The following ESR1 variants were observed in gnomAD, a reference collection of about 807,000 sequenced individuals.
ESR1 encodes estrogen receptor 1, also known as estrogen receptor.
In ESR1, 12 loss-of-function variants were observed where a neutral mutation model predicts 52.7. The observed-to-expected ratio is 0.23, with a 90% CI of 0.15 to 0.37. ESR1 has a LOEUF of 0.37. ESR1 is among the 10% of genes least tolerant of loss of function. The pLI, the probability that ESR1 is intolerant of heterozygous loss-of-function variation, is 1.00. For missense variants in ESR1, 584 were observed against 779.7 expected (o/e 0.75, Z 2.99); for synonymous variants, 305 against 316.8 (o/e 0.96, Z 0.39).
intron 1 of ESR1, among the ~76,000 whole-genome samples, chr6:151,691,351 T>G (rs1469420454): frequency 1.3e-5 from 2 of 152,302 alleles, no homozygotes; most frequent in African/African-American, 4.8e-5. Context: ...GGTAATGATG[T>G]GGCAGTCACA....
chr6:151,955,523 C>T (rs566257894), intron 4 of ESR1, among the ~76,000 whole-genome samples: 2 of 152,104 alleles, frequency 1.3e-5, no homozygotes, highest in South Asian at 4.2e-4. Context: ...TTATCTAAAA[C>T]TTTAGATTTG....
chr6:152,001,501 T>C (rs541107124), intron 4 of ESR1, among the ~76,000 whole-genome samples: 1 of 152,154 alleles, frequency 6.6e-6, no homozygotes, highest in South Asian at 2.1e-4. Flanking sequence ...CACTGCTACA[T>C]TGTAACAGGC....
At chr6:151,894,959 T>C (rs1795253438) in intron 3 of ESR1, among the ~76,000 whole-genome samples, 2 of 152,082 alleles carry the variant, frequency 1.3e-5, no homozygotes, top group African/African-American at 2.4e-5. Context: ...TGCATTGAAG[T>C]TGTAGATTGC....
At chr6:151,915,718 G>T (rs2029926199) in intron 3 of ESR1, among the ~76,000 whole-genome samples, 1 of 152,162 alleles carries the variant, frequency 6.6e-6, no homozygotes, top group South Asian at 2.1e-4. Context: ...TAGATTTAAA[G>T]AAAATATTAT....
intron 5 of ESR1, among the ~76,000 whole-genome samples, chr6:152,054,498 G>GTC (rs1010442989): frequency 6.6e-6 from 1 of 150,672 alleles, no homozygotes; most frequent in Non-Finnish European, 1.5e-5. Flanking sequence ...TTCCAGACTC[G>GTC]TCTCTCTCCC....
chr6:151,914,856 G>A (rs1207446034), intron 3 of ESR1, among the ~76,000 whole-genome samples: 6 of 152,138 alleles, frequency 3.9e-5, no homozygotes, highest in Non-Finnish European at 8.8e-5. Flanking sequence ...TTCAGGACAC[G>A]TACACTGTAA....
At chr6:152,090,065 G>A (rs903830912) in intron 6 of ESR1, among the ~76,000 whole-genome samples, 2 of 152,130 alleles carry the variant, frequency 1.3e-5, no homozygotes, top group African/African-American at 2.4e-5. Context: ...TGCCACTCCC[G>A]GAACCACAGA....
chr6:151,744,729 T>G (rs1390055107), intron 2 of ESR1, among the ~76,000 whole-genome samples: 1 of 152,242 alleles, frequency 6.6e-6, no homozygotes, highest in Non-Finnish European at 1.5e-5. Flanking sequence ...AAAAACAGTT[T>G]GTATATCTTT....
chr6:151,814,393 C>T (rs1345378370), intron 1 of ESR1, among the ~76,000 whole-genome samples: 3 of 151,984 alleles, frequency 2.0e-5, no homozygotes, highest in Non-Finnish European at 4.4e-5. Flanking sequence ...AGTTTTTGGC[C>T]TCTTTTACCC....
At chr6:151,833,563 C>G (rs1273977972) in intron 1 of ESR1, among the ~76,000 whole-genome samples, 1 of 151,972 alleles carries the variant, frequency 6.6e-6, no homozygotes, top group Non-Finnish European at 1.5e-5. Flanking sequence ...AGAGGACTCA[C>G]CATGTCCATA....
intron 4 of ESR1, among the ~76,000 whole-genome samples, chr6:151,989,557 A>G (rs1437084906): frequency 6.6e-6 from 1 of 152,118 alleles, no homozygotes; most frequent in Non-Finnish European, 1.5e-5. Context: ...AGTAATAAAC[A>G]CAGAATCAGA....
chr6:151,743,738 T>C (rs1371732502), intron 2 of ESR1, among the ~76,000 whole-genome samples: 1 of 152,206 alleles, frequency 6.6e-6, no homozygotes, highest in Non-Finnish European at 1.5e-5. Context: ...CAATGTGTCA[T>C]TTATTAAAAC....
At chr6:152,120,824 A>G (rs1220183726) in intron 6 of ESR1, among the ~76,000 whole-genome samples, 1 of 152,218 alleles carries the variant, frequency 6.6e-6, no homozygotes, top group Non-Finnish European at 1.5e-5. Flanking sequence ...TACCTGCATT[A>G]TGGAAAGCAC....
chr6:152,074,826 T>C (rs747228334), intron 6 of ESR1, among the ~76,000 whole-genome samples: 1 of 152,184 alleles, frequency 6.6e-6, no homozygotes, highest in Non-Finnish European at 1.5e-5. Flanking sequence ...TAATTCGCAT[T>C]TTTTGGATAA....
rs927168592 is a variant in ESR1, at chr6:152,122,068, A to G, written c.851-3198A>G. On this transcript the variant is annotated intron_variant, in intron 6 of 6. Transcript: ENST00000427531. ...GGAGGGTCATTTATCTGATGGTTGGAGCAGCACCATGGGAAAGCTGCCCAG... is the reference window on the plus strand; with the variant it reads ...GGAGGGTCATTTATCTGATGGTTGGGGCAGCACCATGGGAAAGCTGCCCAG... 4 of 345,212 alleles carry G rather than the reference A, an allele frequency of 1.2e-5. No individual in the cohort carries two copies. The highest frequency in any genetic ancestry group is 2.2e-5 in the Non-Finnish European group (4 of 178,842). 21.4% of individuals were successfully genotyped at this position (345,212 alleles called of 1,614,324 possible).
chr6:151,939,238 A>T (rs1364579645), intron 3 of ESR1, among the ~76,000 whole-genome samples: 1 of 152,188 alleles, frequency 6.6e-6, no homozygotes, highest in Non-Finnish European at 1.5e-5. Context: ...TATTTGCATG[A>T]TCTAAACTAA....
intron 5 of ESR1, among the ~76,000 whole-genome samples, chr6:152,052,766 G>T (rs192731953): frequency 6.6e-6 from 1 of 152,238 alleles, no homozygotes; most frequent in Non-Finnish European, 1.5e-5. Flanking sequence ...CAGGATGGGG[G>T]TGAGGTGGGG....
intron 3 of ESR1, among the ~76,000 whole-genome samples, chr6:151,889,389 C>A (rs541408828): frequency 1.3e-5 from 2 of 152,228 alleles, no homozygotes; most frequent in African/African-American, 4.8e-5. Context: ...TTCAGACTTG[C>A]TAGGTTTATG....
chr6:152,013,544 A>G (rs562130918), intron 5 of ESR1, among the ~76,000 whole-genome samples: 1 of 152,224 alleles, frequency 6.6e-6, no homozygotes, highest in South Asian at 2.1e-4. Context: ...TGGTGATCTT[A>G]TCTATCTTCT....
Sources: allele counts gnomAD v4.1 joint callset (sites outside exome capture counted in the v4.1 genomes callset), GRCh38; gene constraint gnomAD v4.1.1; transcripts MANE v1.5; gene names NCBI Gene and HGNC (gene_info 2026-07-23, HGNC 2026-07-21).